The following ANO7 variants were observed in gnomAD, a reference collection of about 807,000 sequenced individuals.
ANO7 encodes the protein anoctamin 7.
ANO7 carries 114 observed loss-of-function variants against 115.8 expected under a neutral mutation model. That is an observed-to-expected ratio of 0.98 (90% CI 0.85 to 1.15). ANO7 has a LOEUF of 1.15. Among genes scored for constraint, ANO7 ranks in the 50% most tolerant of loss-of-function variants. ANO7 has a pLI of 0.00. For synonymous variants in ANO7, 550 were observed against 498.2 expected (o/e 1.10, Z -1.38); for missense variants, 1,302 against 1,201.2 (o/e 1.08, Z -1.24).
downstream of ANO7, chr2:241,229,141 A>C (rs936465580): frequency 6.0e-6 from 1 of 167,990 alleles, no homozygotes; most frequent in African/African-American, 2.4e-5. Context: ...GGCTGATTGC[A>C]CTCCACAAAC....
rs758969537 is a variant in ANO7 at position 241,195,763 on chromosome 2, C to A, written c.227C>A (p.Ala76Asp). The A allele has an allele frequency of 1.9e-6, 3 of 1,614,142 alleles. No individual in the cohort carries two copies. The African/African-American group carries it at 4.0e-5, about 22-fold the overall frequency. The change falls in exon 4 of 25, where the codon GCC (alanine) becomes GAC (aspartate). Residue 76 changes from alanine (A) to aspartate (D), a missense_variant. Ala to Asp is a moderately radical substitution (Grantham distance 126, BLOSUM62 -2). Coordinates refer to ENST00000674324, the MANE Select transcript of ANO7 (RefSeq NM_001370694.2). Reference protein sequence around the residue: ...LKLDRQQDSAARDRTDMHRTW... With the variant: ...LKLDRQQDSADRDRTDMHRTW... ...CTAGACAGGCAGCAGGACAGTGCCG[C>A]CCGGGACAGAACAGACATGCACAGG...
intron 21 of ANO7, among the ~76,000 whole-genome samples, chr2:241,222,349 C>A (rs1375386373): frequency 1.3e-5 from 2 of 152,076 alleles, no homozygotes; most frequent in Non-Finnish European, 2.9e-5. Context: ...GGAAATGTCT[C>A]CATCTTACTC....
downstream of ANO7, chr2:241,230,020 C>G: frequency 6.4e-7 from 1 of 1,574,570 alleles, no homozygotes; most frequent in Non-Finnish European, 8.6e-7. This position sits in a 1 kb window ranked among gnomAD's most constrained non-coding sequence, Gnocchi z 5.0. Flanking sequence ...GCATCCCGCC[C>G]GCCTGCTCAC....
intron 23 of ANO7, 58 bp from the exon 24 acceptor site, chr2:241,223,847 C>G: frequency 1.2e-6 from 2 of 1,614,002 alleles, no homozygotes; most frequent in Non-Finnish European, 1.7e-6. Flanking sequence ...AGTGGCTGCT[C>G]TACCTCCGGA....
At chr2:241,227,272 T>C (rs1166198550), downstream of ANO7, 1 of 152,502 alleles carries the variant, frequency 6.6e-6, no homozygotes, top group Non-Finnish European at 1.5e-5. Context: ...CGTGACAAAA[T>C]GAGTCCCAGC....
At chr2:241,230,522 G>A (rs1401129440), downstream of ANO7, among the ~76,000 whole-genome samples, 3 of 152,220 alleles carry the variant, frequency 2.0e-5, no homozygotes, top group Non-Finnish European at 4.4e-5. The surrounding 1 kb of genome is among the most constrained non-coding windows in gnomAD (Gnocchi z 5.0). Flanking sequence ...CACAGAGGAC[G>A]AGCTCGCCAG....
chr2:241,211,554 C>T (rs2068720331), intron 15 of ANO7, among the ~76,000 whole-genome samples: 1 of 152,154 alleles, frequency 6.6e-6, no homozygotes. Flanking sequence ...GGAGGAAGTG[C>T]CTCCTGGTGG....
chr2:241,237,402 C>G, the ANO7 span, among the ~76,000 whole-genome samples: 42 of 152,232 alleles, frequency 2.8e-4, 1 homozygote, highest in East Asian at 8.1e-3. Flanking sequence ...AAAATAGACA[C>G]CACAACAATA....
intron 4 of ANO7, 82 bp downstream of exon 4, chr2:241,195,927 G>A: frequency 6.2e-7 from 1 of 1,612,462 alleles, no homozygotes; most frequent in Non-Finnish European, 8.5e-7. Context: ...AGGCCTGAGG[G>A]CATGGTGTCC....
At chr2:241,228,587 C>T (rs1009474908), downstream of ANO7, 1 of 152,538 alleles carries the variant, frequency 6.6e-6, no homozygotes, top group African/African-American at 2.4e-5. Flanking sequence ...ACGGCGCCCA[C>T]CCCCAGCTCC....
Position 241,210,334 on chromosome 2 carries a change from T to C in ANO7, c.1399T>C (p.Tyr467His), listed in dbSNP as rs751784943. The change falls in exon 14 of 25, where the codon TAC becomes CAC. Residue 467 changes from tyrosine to histidine, a missense_variant. By Grantham distance (83) the Tyr-to-His change is moderately conservative (BLOSUM62 2). Transcript: ENST00000674324. ...VVMCLVSIIL[Y>H]RAIMAIVVSR... ...CATGTGCCTCGTGTCTATCATCCTG[T>C]ACCGTGCCATCATGGCCATCGTGGT... The C allele has an allele frequency of 4.3e-6, 7 of 1,613,946 alleles. No individual in the cohort carries two copies. The highest frequency in any genetic ancestry group is 3.3e-5 in the Admixed American group (2 of 60,010).
intron 3 of ANO7, among the ~76,000 whole-genome samples, chr2:241,192,051 C>T (rs1168204050): frequency 6.6e-6 from 1 of 152,232 alleles, no homozygotes; most frequent in African/African-American, 2.4e-5. Context: ...AGTACCACAG[C>T]CTGGGCCAGG....
downstream of ANO7, chr2:241,228,716 AGCAGCTAGGGCAGGG>A (rs1201197137): frequency 6.5e-5 from 10 of 153,020 alleles, no homozygotes. Context: ...CTGAACACAC[AGCAGCTAGGGCAGGG>A]GCAGGGAGGG....
intron 6 of ANO7, among the ~76,000 whole-genome samples, chr2:241,200,757 G>A (rs1056474687): frequency 1.3e-5 from 2 of 152,230 alleles, no homozygotes; most frequent in South Asian, 2.1e-4. Flanking sequence ...TGCTGAAGGC[G>A]GCCTTTCTGC....
At chr2:241,196,068 C>CT in intron 4 of ANO7, 1 of 1,420,066 alleles carries the variant, frequency 7.0e-7, no homozygotes, top group Non-Finnish European at 9.2e-7. Context: ...ACTCAGCTCT[C>CT]TCATGGAAGT....
chr2:241,216,653 C>T (rs377456436), intron 19 of ANO7, among the ~76,000 whole-genome samples: 2 of 152,232 alleles, frequency 1.3e-5, no homozygotes, highest in Admixed American at 6.5e-5. Flanking sequence ...TCAATGCCCA[C>T]GCTATTTGCA....
chr2:241,188,834 G>GC lies in ANO7; in HGVS notation c.-8+69dup. ...GAGCGTTGGACTCTAGGGAGGCAGG[G>GC]CGGCACCCCAGCCCACCGGGACTTT... On this transcript the variant is annotated intron_variant, in intron 1 of 24. Coordinates refer to ENST00000674324, the MANE Select transcript of ANO7 (RefSeq NM_001370694.2). This position sits in a 1 kb window ranked among gnomAD's most constrained non-coding sequence, Gnocchi z 4.3. 2 of 1,556,888 alleles carry GC rather than the reference G, an allele frequency of 1.3e-6. No individual in the cohort carries two copies. The highest frequency in any genetic ancestry group is 2.4e-5 in the South Asian group (2 of 84,254).
At chr2:241,236,364 G>A in the ANO7 span, 1 of 531,168 alleles carries the variant, frequency 1.9e-6, no homozygotes, top group Non-Finnish European at 3.4e-6. Flanking sequence ...GTGGGCCTGA[G>A]AGGCCGGATC....
Position 241,217,696 on chromosome 2 carries a change from C to T in ANO7, c.1983C>T (p.Phe661=), listed in dbSNP as rs936482056. The T allele has an allele frequency of 1.9e-6, 3 of 1,587,138 alleles. No homozygotes were observed. The highest frequency in any genetic ancestry group is 2.7e-5 in the African/African-American group (2 of 74,622). ...ACCCCCTCCCCGCAGTGCTGCAGTT[C>T]GGCTTCGTCACCATCTTCGTGGCCG... ...FDEYLEMVLQ[F]GFVTIFVAAC... The change falls in exon 20 of 25, where the codon TTC becomes TTT. Residue 661 remains phenylalanine, a synonymous_variant. Coordinates refer to ENST00000674324, the MANE Select transcript of ANO7 (RefSeq NM_001370694.2).
Sources: allele counts gnomAD v4.1 joint callset (sites outside exome capture counted in the v4.1 genomes callset), GRCh38; gene constraint gnomAD v4.1.1; non-coding constraint Gnocchi (gnomAD v3.1); transcripts MANE v1.5; gene names NCBI Gene and HGNC (gene_info 2026-07-23, HGNC 2026-07-21).